The following MTHFD1L variants were observed in gnomAD, a reference collection of about 807,000 sequenced individuals.
MTHFD1L encodes the protein monofunctional C1-tetrahydrofolate synthase, mitochondrial.
MTHFD1L carries 81 observed loss-of-function variants against 119.5 expected under a neutral mutation model. The ratio of observed to expected loss-of-function variants is 0.68; its 90% CI spans 0.57 to 0.82. The LOEUF (loss-of-function observed/expected upper bound fraction) is 0.82. Ranked by LOEUF, MTHFD1L falls within the 40% of genes least tolerant of loss-of-function variation. The pLI, the probability that MTHFD1L is intolerant of heterozygous loss-of-function variation, is 0.00. For missense variants in MTHFD1L, 1,125 were observed against 1,253.4 expected, an observed-to-expected ratio of 0.90 and a Z score of 1.55; for synonymous variants, 430 against 475.2, an observed-to-expected ratio of 0.90 and a Z score of 1.24.
At chr6:151,099,832 G>A in intron 27 of MTHFD1L, 3 of 1,601,214 alleles carry the variant, frequency 1.9e-6, no homozygotes, top group East Asian at 4.5e-5. Flanking sequence ...CGCTCACAAT[G>A]TTTCCTCCAA....
At chr6:151,065,067 G>T (rs1791086120) in intron 26 of MTHFD1L, among the ~76,000 whole-genome samples, 1 of 152,210 alleles carries the variant, frequency 6.6e-6, no homozygotes, top group South Asian at 2.1e-4. Flanking sequence ...GACTCCCAAA[G>T]TGCTGGGATT....
At chr6:151,091,824 G>C (rs1013225821) in intron 26 of MTHFD1L, among the ~76,000 whole-genome samples, 8 of 152,172 alleles carry the variant, frequency 5.3e-5, no homozygotes, top group African/African-American at 1.9e-4. Flanking sequence ...TTACTAGTGT[G>C]ACCTGGGCAA....
intron 9 of MTHFD1L, among the ~76,000 whole-genome samples, chr6:150,920,107 A>G (rs1788646061): frequency 6.6e-6 from 1 of 152,322 alleles, no homozygotes; most frequent in African/African-American, 2.4e-5. Context: ...CAGTGTGAGC[A>G]ATCCAAGGGA....
chr6:151,015,654 G>A lies in MTHFD1L; in HGVS notation c.2547G>A (p.Ala849=), dbSNP rs572384745. Residue 849 remains alanine, a synonymous_variant, in exon 24 of 28, where the codon GCG becomes GCA. Transcript: ENST00000367321. ...VDLARAVREA[A]SKRSRFQFLY... ...TGGCTCGGGCTGTGAGAGAGGCTGC[G>A]AGTAAAAGAAGCCGATTCCAGTTCC... 1.7e-5 allele frequency: 28 copies of A among 1,614,004 alleles called. 1 individual carries two copies. Among genetic ancestry groups the A allele is most frequent in the South Asian group, 1.5e-4 (14 of 91,056 alleles).
chr6:150,935,883 G>A (rs1313685119), intron 11 of MTHFD1L, among the ~76,000 whole-genome samples: 1 of 151,482 alleles, frequency 6.6e-6, no homozygotes, highest in Admixed American at 6.8e-5. Context: ...ACTTTAAAGA[G>A]TGGAAAAAAA....
At chr6:150,997,001 C>A (rs1294071004) in intron 20 of MTHFD1L, among the ~76,000 whole-genome samples, 1 of 152,192 alleles carries the variant, frequency 6.6e-6, no homozygotes, top group African/African-American at 2.4e-5. Context: ...CCCAGACTCA[C>A]TACCTCAGGG....
chr6:150,912,509 G>T (rs1324622029), intron 8 of MTHFD1L, among the ~76,000 whole-genome samples: 1 of 152,142 alleles, frequency 6.6e-6, no homozygotes, highest in Non-Finnish European at 1.5e-5. Context: ...AGCCGAGATG[G>T]CATGAAGGCT....
intron 26 of MTHFD1L, chr6:151,088,412 AGACATTTCACACTTTCT>A (rs1282344255): frequency 6.6e-6 from 1 of 152,138 alleles, no homozygotes; most frequent in African/African-American, 2.4e-5. Context: ...ACAAGAGGAA[AGACATTTCACACTTTCT>A]GGCATTTAAT....
intron 7 of MTHFD1L, among the ~76,000 whole-genome samples, chr6:150,893,928 G>A (rs896292377): frequency 6.6e-6 from 1 of 152,188 alleles, no homozygotes; most frequent in Non-Finnish European, 1.5e-5. Context: ...TACTTTATGG[G>A]GCAGTTGTGG....
rs528674443 is a variant in MTHFD1L at position 150,866,088 on chromosome 6, G to C, written c.227+39G>C. ...CTGGCCCTGGCCCAGGTCTCCAGCG[G>C]CTGTGGCCCCGACCCAGGGGCGGAG... On this transcript the variant is annotated intron_variant, in intron 1 of 27. Transcript: ENST00000367321. The C allele has an allele frequency of 3.2e-4, 467 of 1,479,968 alleles. 3 individuals carry two copies. The South Asian group carries it at 5.7e-3, about 18-fold the overall frequency. The allele number at this position is 1,479,968 out of a possible 1,614,324, so 91.7% of individuals were successfully genotyped here.
At chr6:151,037,676 G>A (rs549794239) in intron 26 of MTHFD1L, among the ~76,000 whole-genome samples, 7 of 152,150 alleles carry the variant, frequency 4.6e-5, no homozygotes, top group Non-Finnish European at 8.8e-5. Flanking sequence ...CTGTTATTTT[G>A]TGTTATCTAT....
chr6:150,948,707 T>C (rs1794402696), intron 15 of MTHFD1L, among the ~76,000 whole-genome samples: 1 of 149,692 alleles, frequency 6.7e-6, no homozygotes. Context: ...ATGGCACGAT[T>C]TTGGCTCACC....
intron 8 of MTHFD1L, among the ~76,000 whole-genome samples, chr6:150,917,930 C>G (rs980103431): frequency 1.3e-5 from 2 of 152,166 alleles, no homozygotes; most frequent in Admixed American, 1.3e-4. Context: ...AATCAGAATA[C>G]TTGGGCTCGT....
At chr6:150,874,833 G>A (rs1033557933) in intron 1 of MTHFD1L, among the ~76,000 whole-genome samples, 1 of 151,936 alleles carries the variant, frequency 6.6e-6, no homozygotes, top group African/African-American at 2.4e-5. Flanking sequence ...CACAATCTCG[G>A]CTCACTGCAA....
intron 26 of MTHFD1L, among the ~76,000 whole-genome samples, 166 bp downstream of exon 26, chr6:151,037,283 T>C (rs1301888728): frequency 6.6e-6 from 1 of 152,242 alleles, no homozygotes; most frequent in Admixed American, 6.5e-5. Context: ...CACCTACTTT[T>C]GCCATTGTGG....
intron 26 of MTHFD1L, among the ~76,000 whole-genome samples, chr6:151,051,101 G>A (rs1788951282): frequency 1.3e-5 from 2 of 152,156 alleles, no homozygotes; most frequent in Admixed American, 1.3e-4. Flanking sequence ...GAGGCTAGCT[G>A]GAGGCCCACC....
chr6:151,047,013 A>C (rs73622414), intron 26 of MTHFD1L, among the ~76,000 whole-genome samples: 5 of 152,222 alleles, frequency 3.3e-5, no homozygotes, highest in Non-Finnish European at 7.3e-5. Context: ...AACTCGCGGC[A>C]GTTTACAGGC....
intron 13 of MTHFD1L, among the ~76,000 whole-genome samples, chr6:150,942,120 G>C (rs538401676): frequency 6.6e-6 from 1 of 152,062 alleles, no homozygotes; most frequent in Non-Finnish European, 1.5e-5. Flanking sequence ...GTAGCTGGGC[G>C]TGGTGGCAGG....
chr6:151,018,049 G>T (rs1163415236), intron 24 of MTHFD1L, among the ~76,000 whole-genome samples: 1 of 151,952 alleles, frequency 6.6e-6, no homozygotes, highest in East Asian at 1.9e-4. Flanking sequence ...GCTTCCCAGG[G>T]CTCACTCTCC....
Sources: gnomAD v4.1 joint callset for allele counts (sites outside exome capture counted in the v4.1 genomes callset) on GRCh38, gnomAD v4.1.1 for gene constraint, MANE v1.5 for transcripts, NCBI Gene and HGNC (gene_info 2026-07-23, HGNC 2026-07-21) for gene names.